RRP12: variants seen among roughly 807,000 people sequenced by gnomAD.
RRP12 encodes RRP12-like protein.
In RRP12, 78 loss-of-function variants were observed where a neutral mutation model predicts 157.3. That is an observed-to-expected ratio of 0.50 (90% CI 0.41 to 0.60). The LOEUF is 0.60. Ranked by LOEUF, RRP12 falls within the 20% of genes least tolerant of loss-of-function variation. RRP12 has a pLI of 0.00. For synonymous variants in RRP12, 726 were observed against 670.9 expected (o/e 1.08, Z -1.27); for missense variants, 1,521 against 1,679.9 (o/e 0.91, Z 1.65).
chr10:97,369,322 CA>C (rs1844073050), intron 25 of RRP12, 102 bp downstream of exon 25: 472 of 1,248,920 alleles, frequency 3.8e-4, no homozygotes, highest in Middle Eastern at 5.5e-4. Flanking sequence ...CCTCTGGCTA[CA>C]AAAAAAATAG....
At chr10:97,389,383 G>A (rs138102546) in intron 6 of RRP12, among the ~76,000 whole-genome samples, 8,284 of 152,122 alleles carry the variant, frequency 0.054, 284 homozygotes, top group Non-Finnish European at 0.063. Flanking sequence ...GTGAGCCACC[G>A]CGCCCAGCCA....
chr10:97,398,036 C>CATATACATATATATATATAT (rs1564772585), intron 2 of RRP12, among the ~76,000 whole-genome samples: 1 of 35,670 alleles, frequency 2.8e-5, no homozygotes, highest in Non-Finnish European at 5.1e-5. Context: ...TATATATATA[C>CATATACATATATATATATAT]GTATTTTTTT....
At chr10:97,385,335 G>T in intron 9 of RRP12, 78 bp from the exon 10 acceptor site, 1 of 1,122,934 alleles carries the variant, frequency 8.9e-7, no homozygotes, top group Non-Finnish European at 1.3e-6. Flanking sequence ...TCCCATCCTG[G>T]CACCAGCAAT....
At chr10:97,360,941 G>A (rs1178835966) in intron 30 of RRP12, among the ~76,000 whole-genome samples, 2 of 152,216 alleles carry the variant, frequency 1.3e-5, no homozygotes, top group Non-Finnish European at 2.9e-5. Context: ...AGCTTACCCA[G>A]CCTTCCTAAT....
chr10:97,391,717 C>T (rs367586021), intron 4 of RRP12, among the ~76,000 whole-genome samples: 2 of 152,120 alleles, frequency 1.3e-5, no homozygotes, highest in Non-Finnish European at 2.9e-5. Flanking sequence ...GTCAGGAGAT[C>T]GAGACCATCC....
chr10:97,388,405 C>T, intron 7 of RRP12, 26 bp from the exon 8 acceptor site: 1 of 1,613,234 alleles, frequency 6.2e-7, no homozygotes, highest in African/African-American at 1.3e-5. Context: ...GGAATTGAGA[C>T]ACCAGCCCCG....
Position 97,400,471 on chromosome 10 carries a change from C to G in RRP12, c.203G>C (p.Arg68Pro), listed in dbSNP as rs1334620689. 6.2e-7 allele frequency: 1 copy of G among 1,614,124 alleles called. No individual in the cohort carries two copies. Among genetic ancestry groups the G allele is most frequent in the East Asian group, 2.2e-5 (1 of 44,884 alleles). Residue 68 changes from arginine (R) to proline (P), a missense_variant, in exon 2 of 34, where the codon CGC becomes CCC. Transcript: ENST00000370992. ...CTCCGGGGCTTCGCTTTTGCCCAAG[C>G]GCAAGGACCCTGACTGCAGCTCATT... Reference protein sequence around the residue: ...LHNELQSGSLRLGKSEAPETP... With the variant: ...LHNELQSGSLPLGKSEAPETP...
Position 97,385,878 on chromosome 10 carries a change from C to A in RRP12, c.1116+17G>T. ...ACCCCCGACCTAATGCCCCCACATC[C>A]CACCAACAGGCCTCACCGTGATGAT... On this transcript the variant is annotated intron_variant, in intron 9 of 33. Transcript: ENST00000370992. 2 of 1,571,262 alleles carry A rather than the reference C, an allele frequency of 1.3e-6. No individual in the cohort carries two copies. The highest frequency in any genetic ancestry group is 1.7e-6 in the Non-Finnish European group (2 of 1,152,162).
In RRP12 at chr10:97,367,231, C is replaced by T. The variant is rs1043465760; in HGVS notation, c.2956-99G>A. 6 of 1,044,550 alleles carry T rather than the reference C, an allele frequency of 5.7e-6. No homozygotes were observed. The East Asian group carries it at 1.5e-4, about 26-fold the overall frequency. The allele number at this position is 1,044,550 out of a possible 1,614,324, so 64.7% of individuals were successfully genotyped here. A position where few individuals can be genotyped will look rare whatever the true frequency, so the allele number is the denominator to read the frequency against. The stretch of plus-strand genomic sequence containing the variant: ...AGGGACGCAGCATGATCAAGCCCAG[C>T]TGAGGGGAGGGTTAGCGCGGCCCTG... On this transcript the variant is annotated intron_variant, in intron 25 of 33. Transcript: ENST00000370992.
chr10:97,367,148 C>T lies in RRP12; in HGVS notation c.2956-16G>A, dbSNP rs369716734. On this transcript the variant is annotated splice_polypyrimidine_tract_variant and intron_variant, in intron 25 of 33. Transcript: ENST00000370992. ...TGGCTTCCATCTGCCGGACAGAGCA[C>T]CAGGCTTTCAGGGAGGCGAGCCTTC... The T allele has an allele frequency of 2.6e-4, 421 of 1,611,892 alleles. No homozygotes were observed. The highest frequency in any genetic ancestry group is 6.6e-4 in the Middle Eastern group (4 of 6,054).
At position 97,363,271 on chromosome 10, in the gene RRP12, T is replaced by C. The variant is rs146030455; in HGVS notation, c.3567+583A>G. On this transcript the variant is annotated intron_variant, in intron 30 of 33. Coordinates refer to ENST00000370992, the MANE Select transcript of RRP12 (RefSeq NM_015179.4). ...TGATGGGTTGGGCCCACTTCACCCT[T>C]GTTGGTTCAGGTGGGGCAGCTGAGA... is the stretch of plus-strand genomic sequence containing the variant. Among the ~76,000 whole-genome samples the C allele has an allele frequency of 6.4e-3, 974 of 152,312 alleles. 9 individuals are homozygous for C. The highest frequency in any genetic ancestry group is 0.022 in the African/African-American group (927 of 41,566).
intron 31 of RRP12, 47 bp downstream of exon 31, chr10:97,360,499 G>A: frequency 6.8e-7 from 1 of 1,466,270 alleles, no homozygotes; most frequent in Non-Finnish European, 9.6e-7. Flanking sequence ...CCCTAATGCA[G>A]GTGACAGGGA....
rs752231960 is a variant in RRP12 at position 97,370,510 on chromosome 10, A to C, written c.2634T>G (p.Phe878Leu). 2.5e-6 allele frequency: 4 copies of C among 1,610,666 alleles called. No homozygotes were observed. The East Asian group carries it at 8.9e-5, about 36-fold the overall frequency. Residue 878 changes from phenylalanine (F) to leucine (L), a missense_variant, in exon 23 of 34, where the codon TTT (phenylalanine) becomes TTG (leucine). By Grantham distance (22) the Phe-to-Leu change is conservative. Coordinates refer to ENST00000370992, the MANE Select transcript of RRP12 (RefSeq NM_015179.4). Reference sequence around the variant, plus strand: ...CATGGCCCATCTCCACGAGCAGTGCAAAAGCGTTCTTCCGTGCGCCCACCG... The same window carrying C: ...CATGGCCCATCTCCACGAGCAGTGCCAAAGCGTTCTTCCGTGCGCCCACCG... ...EVSVGARKNA[F>L]ALLVEMGHAF...
At chr10:97,369,733 G>C (rs1844090090) in intron 24 of RRP12, 151 bp from the exon 25 acceptor site, 2 of 824,856 alleles carry the variant, frequency 2.4e-6, no homozygotes, top group South Asian at 3.6e-5. Context: ...ACGCTCCATG[G>C]AGTGGTCTTG....
intron 1 of RRP12, among the ~76,000 whole-genome samples, 185 bp downstream of exon 1, chr10:97,400,908 G>T (rs1342650315): frequency 2.6e-5 from 4 of 152,130 alleles, no homozygotes; most frequent in Non-Finnish European, 4.4e-5. Flanking sequence ...CCCTACTGCG[G>T]ACCTCAGTTT....
At position 97,385,907 on chromosome 10, in the gene RRP12, G is replaced by C. The variant is rs751684340; in HGVS notation, c.1104C>G (p.Ala368=). ...GLSTLSAELN[A]QIITALYDYV... The stretch of plus-strand genomic sequence containing the variant: ...CAACAGGCCTCACCGTGATGATCTG[G>C]GCGTTGAGCTCTGCTGACAGGGTGC... The change falls in exon 9 of 34, where the codon GCC becomes GCG. Residue 368 remains alanine, a synonymous_variant. Transcript: ENST00000370992. 2 of 1,603,922 alleles carry C rather than the reference G, an allele frequency of 1.2e-6. No homozygotes were observed. Among genetic ancestry groups the C allele is most frequent in the Non-Finnish European group, 1.7e-6 (2 of 1,175,032 alleles).
In RRP12 at chr10:97,367,150, A is replaced by G; in HGVS notation, c.2956-18T>C. On this transcript the variant is annotated intron_variant, in intron 25 of 33. Coordinates refer to ENST00000370992, the MANE Select transcript of RRP12 (RefSeq NM_015179.4). ...GCTTCCATCTGCCGGACAGAGCACC[A>G]GGCTTTCAGGGAGGCGAGCCTTCCA... 1 of 1,610,548 alleles carries G rather than the reference A, an allele frequency of 6.2e-7. No individual in the cohort carries two copies. Among genetic ancestry groups the G allele is most frequent in the Non-Finnish European group, 8.5e-7 (1 of 1,176,934 alleles).
At position 97,388,331 on chromosome 10, in the gene RRP12, T is replaced by C; in HGVS notation, c.938A>G (p.Asp313Gly). 1 of 1,613,894 alleles carries C rather than the reference T, an allele frequency of 6.2e-7. No individual in the cohort carries two copies. The highest frequency in any genetic ancestry group is 8.5e-7 in the Non-Finnish European group (1 of 1,180,004). ...TTLHMLTLLK[D>G]LLPCFPEGLV... ...GCCTTCCGGGAAGCAGGGCAGCAGG[T>C]CCTTCAGCAGCGTCAGCATGTGCAG... The change falls in exon 8 of 34, where the codon GAC becomes GGC. Residue 313 changes from aspartate to glycine, a missense_variant. Asp to Gly is a moderately conservative substitution (Grantham distance 94). Transcript: ENST00000370992.
At chr10:97,358,752 G>C in intron 32 of RRP12, 133 bp from the exon 33 acceptor site, 1 of 827,804 alleles carries the variant, frequency 1.2e-6, no homozygotes, top group Non-Finnish European at 2.0e-6. Context: ...TGTATCCTTG[G>C]AAGGCCATTC....
Sources: gnomAD v4.1 joint callset for allele counts (sites outside exome capture counted in the v4.1 genomes callset) on GRCh38, gnomAD v4.1.1 for gene constraint, MANE v1.5 for transcripts, NCBI Gene and HGNC (gene_info 2026-07-23, HGNC 2026-07-21) for gene names.